The following MAPT variants were observed in gnomAD, a reference collection of about 807,000 sequenced individuals.
MAPT encodes microtubule-associated protein tau.
A neutral mutation model predicts 67.9 loss-of-function variants in MAPT; 34 were observed. The ratio of observed to expected loss-of-function variants is 0.50; its 90% CI spans 0.38 to 0.67. The LOEUF (loss-of-function observed/expected upper bound fraction) is 0.67. Among genes scored for constraint, MAPT ranks in the 30% least tolerant of loss-of-function variants. The probability of loss-of-function intolerance (pLI) is 0.00; values close to 1 mark genes in which losing one functional copy is unlikely to be tolerated. For missense variants in MAPT, 881 were observed against 1,115.2 expected (o/e 0.79, Z 2.99); for synonymous variants, 456 against 464.5 (o/e 0.98, Z 0.23).
At chr17:45,962,948 A>G (rs557712720) in intron 2 of MAPT, among the ~76,000 whole-genome samples, 23 of 152,296 alleles carry the variant, frequency 1.5e-4, no homozygotes, top group South Asian at 2.1e-4. Context: ...GAAAAAAGAA[A>G]GAAAGAAATT....
rs1000691844 is a variant in MAPT, at chr17:46,026,158, G to T, written c.*1987G>T. 1 of 151,376 alleles carries T rather than the reference G, an allele frequency of 6.6e-6. No homozygotes were observed. The highest frequency in any genetic ancestry group is 1.5e-5 in the Non-Finnish European group (1 of 67,796). The allele number at this position is 151,376 out of a possible 1,614,324, so 9.4% of individuals were successfully genotyped here. On this transcript the variant is annotated 3_prime_UTR_variant, in exon 13 of 13. Coordinates refer to ENST00000262410, the MANE Select transcript of MAPT (RefSeq NM_001377265.1). ...AAAGAGGTTTCTAACCCACCCTCACGAGGTGTCTCTCACCCCCACACTGGG... is the reference window on the plus strand; with the variant it reads ...AAAGAGGTTTCTAACCCACCCTCACTAGGTGTCTCTCACCCCCACACTGGG...
At chr17:45,984,064 A>G in intron 5 of MAPT, 134 bp downstream of exon 5, 1 of 755,266 alleles carries the variant, frequency 1.3e-6, no homozygotes, top group Non-Finnish European at 2.2e-6. Context: ...CTAAATCGAC[A>G]CCTGGGTGCA....
chr17:45,905,582 C>T (rs1335733010), intron 1 of MAPT, among the ~76,000 whole-genome samples: 1 of 152,162 alleles, frequency 6.6e-6, no homozygotes, highest in Non-Finnish European at 1.5e-5. Context: ...AAGATCTTAT[C>T]GTTTGTTACC....
intron 9 of MAPT, among the ~76,000 whole-genome samples, chr17:46,004,471 C>G (rs1262821790): frequency 6.6e-6 from 1 of 152,232 alleles, no homozygotes. Flanking sequence ...GAGCTTGCAA[C>G]ACATCGTTCT....
At chr17:45,951,729 G>A (rs2069104357) in intron 1 of MAPT, among the ~76,000 whole-genome samples, 1 of 151,936 alleles carries the variant, frequency 6.6e-6, no homozygotes, top group Non-Finnish European at 1.5e-5. Context: ...AAAAACCACA[G>A]GGACGGACTC....
intron 1 of MAPT, among the ~76,000 whole-genome samples, chr17:45,943,530 A>G (rs113327524): frequency 0.016 from 2,508 of 152,264 alleles, 68 homozygotes; most frequent in African/African-American, 0.055. Context: ...ATTAGAAGTG[A>G]AAACATCTTA....
In MAPT at chr17:45,984,235, A is replaced by G. The variant is rs549920596; in HGVS notation, c.1351+305A>G. ...TTTGTCCACAACGGCCCATCAGCCCACAGGAGGTTTGGTGGGTGCCTTCCA... is the reference window on the plus strand; with the variant it reads ...TTTGTCCACAACGGCCCATCAGCCCGCAGGAGGTTTGGTGGGTGCCTTCCA... On this transcript the variant is annotated intron_variant, in intron 5 of 12. Transcript: ENST00000262410. Among the ~76,000 whole-genome samples the G allele has an allele frequency of 6.1e-4, 90 of 147,712 alleles. 1 individual carries two copies. The highest frequency in any genetic ancestry group is 2.0e-3 in the African/African-American group (82 of 41,416).
At chr17:45,997,073 A>G (rs904689483) in intron 9 of MAPT, among the ~76,000 whole-genome samples, 1 of 152,174 alleles carries the variant, frequency 6.6e-6, no homozygotes, top group Non-Finnish European at 1.5e-5. Context: ...ATAGGTCAGC[A>G]TCTCCACTCG....
chr17:45,998,390 G>A (rs1055107732), intron 9 of MAPT, among the ~76,000 whole-genome samples: 3 of 152,342 alleles, frequency 2.0e-5, no homozygotes, highest in Admixed American at 1.3e-4. Context: ...GTCCCTGCGT[G>A]CCAGGCGGTG....
Position 45,962,361 on chromosome 17 carries a change from C to A in MAPT, c.24C>A (p.Phe8Leu). Reference protein sequence around the residue: MAEPRQEFEVMEDHAGTY... With the variant: MAEPRQELEVMEDHAGTY... The stretch of plus-strand genomic sequence containing the variant: ...GGATGGCTGAGCCCCGCCAGGAGTT[C>A]GAAGTGATGGAAGATCACGCTGGGA... Residue 8 changes from phenylalanine to leucine, a missense_variant, in exon 2 of 13, where the codon TTC (phenylalanine) becomes TTA (leucine). Physicochemically the swap from Phe to Leu is conservative, Grantham distance 22 (BLOSUM62 0). This residue lies in a region of MAPT where 687 missense variants were observed against 766.1 expected (regional missense o/e 0.90). Coordinates refer to ENST00000262410, the MANE Select transcript of MAPT (RefSeq NM_001377265.1). 1 of 1,612,122 alleles carries A rather than the reference C, an allele frequency of 6.2e-7. No homozygotes were observed. Among genetic ancestry groups the A allele is most frequent in the Non-Finnish European group, 8.5e-7 (1 of 1,179,846 alleles).
intron 1 of MAPT, chr17:45,898,217 G>A (rs557825586): frequency 6.6e-6 from 1 of 152,250 alleles, no homozygotes; most frequent in Admixed American, 6.5e-5. Flanking sequence ...ACCTTTGGAC[G>A]ATTTGGGGAA....
rs919521287 is a variant in MAPT, at chr17:45,954,980, G to A, written c.-17-7341G>A. Among the ~76,000 whole-genome samples, 6 of 151,934 alleles carry A rather than the reference G, an allele frequency of 3.9e-5. No homozygotes were observed. In the East Asian group the frequency reaches 5.8e-4, roughly 15 times the overall value. ...AGCCTGGGCGAAAGAGCGAGACTCCGTCTCAAAAACAAAAACAAAAACAAA... is the reference window on the plus strand; with the variant it reads ...AGCCTGGGCGAAAGAGCGAGACTCCATCTCAAAAACAAAAACAAAAACAAA... On this transcript the variant is annotated intron_variant, in intron 1 of 12. Transcript: ENST00000262410.
chr17:45,917,360 A>C (rs1194028506), intron 1 of MAPT, among the ~76,000 whole-genome samples: 1 of 152,250 alleles, frequency 6.6e-6, no homozygotes, highest in Non-Finnish European at 1.5e-5. Flanking sequence ...GCCCTCAAGG[A>C]GAAAAATAAA....
chr17:46,005,099 T>C (rs1215455171), intron 9 of MAPT, among the ~76,000 whole-genome samples: 1 of 152,242 alleles, frequency 6.6e-6, no homozygotes, highest in Non-Finnish European at 1.5e-5. Context: ...AAAACATTTC[T>C]AAGTATGTGG....
Position 46,010,493 on chromosome 17 carries a change from A to T in MAPT, c.2091+91A>T. 1.1e-6 allele frequency: 1 copy of T among 928,884 alleles called. No individual in the cohort carries two copies. 57.5% of individuals were successfully genotyped at this position (928,884 alleles called of 1,614,324 possible). On this transcript the variant is annotated intron_variant, in intron 10 of 12. Coordinates refer to ENST00000262410, the MANE Select transcript of MAPT (RefSeq NM_001377265.1). The surrounding 1 kb of genome is among the most constrained non-coding windows in gnomAD (Gnocchi z 4.7). ...CGTACACTTGCGAGACACTGCATAGAATAAATCCTTCTTGGGCTCTCAGGA... is the reference window on the plus strand; with the variant it reads ...CGTACACTTGCGAGACACTGCATAGTATAAATCCTTCTTGGGCTCTCAGGA...
At chr17:45,921,545 G>A (rs1360269836) in intron 1 of MAPT, among the ~76,000 whole-genome samples, 6 of 152,120 alleles carry the variant, frequency 3.9e-5, no homozygotes, top group East Asian at 1.9e-4. Context: ...CATGTCACCC[G>A]GTGCCCCCAT....
intron 5 of MAPT, among the ~76,000 whole-genome samples, chr17:45,984,488 G>A (rs2073343778): frequency 6.6e-6 from 1 of 152,258 alleles, no homozygotes; most frequent in Non-Finnish European, 1.5e-5. Flanking sequence ...AGGTGCTGGA[G>A]TGTGGACGCC....
At chr17:46,008,861 TG>T (rs527824282) in intron 9 of MAPT, among the ~76,000 whole-genome samples, 67 of 152,282 alleles carry the variant, frequency 4.4e-4, no homozygotes, top group African/African-American at 1.6e-3. Flanking sequence ...GGTCCTTCAC[TG>T]GGATCACCAC....
intron 1 of MAPT, among the ~76,000 whole-genome samples, chr17:45,918,200 TC>T (rs1314098368): frequency 6.6e-6 from 1 of 152,242 alleles, no homozygotes; most frequent in East Asian, 1.9e-4. Context: ...TGGTCATCTC[TC>T]CCTGCACCTG....
Sources: gnomAD v4.1 joint callset for allele counts (sites outside exome capture counted in the v4.1 genomes callset) on GRCh38, gnomAD v4.1.1 for gene constraint, gnomAD v4.1.1 regional missense constraint, Gnocchi (gnomAD v3.1) non-coding constraint, MANE v1.5 for transcripts, NCBI Gene and HGNC (gene_info 2026-07-23, HGNC 2026-07-21) for gene names.